Variants in NUDT21 observed in about 807,000 individuals in gnomAD.
NUDT21 encodes nudix hydrolase 21, also known as cleavage and polyadenylation specificity factor subunit 5.
A neutral mutation model predicts 29.8 loss-of-function variants in NUDT21; 5 were observed. That is an observed-to-expected ratio of 0.17 (90% CI 0.09 to 0.35). The LOEUF (loss-of-function observed/expected upper bound fraction) is 0.35, where lower values mean the gene tolerates loss of function less well. NUDT21 is among the 10% of genes least tolerant of loss of function. NUDT21 has a pLI of 1.00. For synonymous variants in NUDT21, 113 were observed against 98.5 expected, an observed-to-expected ratio of 1.15 and a Z score of -0.87; for missense variants, 76 against 276.0, an observed-to-expected ratio of 0.28 and a Z score of 5.13.
At chr16:56,432,841 C>A in intron 6 of NUDT21, 108 bp from the exon 7 acceptor site, 1 of 795,572 alleles carries the variant, frequency 1.3e-6, no homozygotes, top group South Asian at 2.5e-5. Context: ...GCATGTCTGG[C>A]ATTTTCTTTT....
At position 56,429,598 on chromosome 16, in the gene NUDT21, CAA is replaced by C. The variant is rs1276293053; in HGVS notation, c.*3112_*3113del. 14 of 152,132 alleles carry C rather than the reference CAA, an allele frequency of 9.2e-5. No homozygotes were observed. Among genetic ancestry groups the C allele is most frequent in the African/African-American group, 2.9e-4 (12 of 41,428 alleles). The allele number at this position is 152,132 out of a possible 1,614,324, so 9.4% of individuals were successfully genotyped here. On this transcript the variant is annotated 3_prime_UTR_variant, in exon 7 of 7. Transcript: ENST00000300291. The stretch of plus-strand genomic sequence containing the variant: ...ATTAGGTTTCTCATCACGATTTGAA[CAA>C]AAGCAAACTGCTTGAAATGAGTCCA...
intron 1 of NUDT21, among the ~76,000 whole-genome samples, chr16:56,448,244 A>C (rs1172715032): frequency 6.6e-6 from 1 of 152,192 alleles, no homozygotes; most frequent in East Asian, 1.9e-4. Context: ...ACTATCCTTA[A>C]ATGCTTAGAG....
chr16:56,429,988 TC>T lies in NUDT21; in HGVS notation c.*2723del, dbSNP rs1429334185. 1 of 152,196 alleles carries T rather than the reference TC, an allele frequency of 6.6e-6. No individual in the cohort carries two copies. The highest frequency in any genetic ancestry group is 1.9e-4 in the East Asian group (1 of 5,204). 9.4% of individuals were successfully genotyped at this position (152,196 alleles called of 1,614,324 possible). On this transcript the variant is annotated 3_prime_UTR_variant, in exon 7 of 7. Coordinates refer to ENST00000300291, the MANE Select transcript of NUDT21 (RefSeq NM_007006.3). The stretch of plus-strand genomic sequence containing the variant: ...GCTGGCCTGTTGAATTTGAAGTACT[TC>T]TACCTCTCACTTCTAATTAAACATG...
chr16:56,437,179 T>C (rs903422893), intron 4 of NUDT21, among the ~76,000 whole-genome samples: 1 of 152,184 alleles, frequency 6.6e-6, no homozygotes, highest in Non-Finnish European at 1.5e-5. Context: ...CCCTCTGCCA[T>C]ACAAGGGAGT....
chr16:56,435,029 C>G (rs75044771), intron 4 of NUDT21, 200 bp from the exon 5 acceptor site: 2 of 379,880 alleles, frequency 5.3e-6, no homozygotes, highest in African/African-American at 4.2e-5. Context: ...GTCAACCATT[C>G]GAGATAAAAT....
chr16:56,444,276 C>T (rs1285352538), intron 3 of NUDT21, among the ~76,000 whole-genome samples: 1 of 151,688 alleles, frequency 6.6e-6, no homozygotes, highest in East Asian at 1.9e-4. Flanking sequence ...AGAGTGAGAC[C>T]CTGTCTCTAA....
chr16:56,441,362 G>T (rs531535036), intron 3 of NUDT21, among the ~76,000 whole-genome samples: 2 of 151,950 alleles, frequency 1.3e-5, no homozygotes, highest in Non-Finnish European at 2.9e-5. Context: ...TCAGCCTCCC[G>T]AGTAGCTGGG....
chr16:56,442,046 C>T (rs1024395487), intron 3 of NUDT21, among the ~76,000 whole-genome samples: 1 of 152,214 alleles, frequency 6.6e-6, no homozygotes, highest in Admixed American at 6.5e-5. Flanking sequence ...GCTGGGACTA[C>T]AGATGCAAGC....
chr16:56,446,971 T>C (rs1962227027), intron 2 of NUDT21: 1 of 268,532 alleles, frequency 3.7e-6, no homozygotes, highest in Non-Finnish European at 6.9e-6. Flanking sequence ...ATAGGTATAT[T>C]GTGTAATGCT....
chr16:56,442,701 T>G (rs1345736968), intron 3 of NUDT21, among the ~76,000 whole-genome samples: 4 of 152,218 alleles, frequency 2.6e-5, no homozygotes, highest in Non-Finnish European at 4.4e-5. Flanking sequence ...TTTGAGAAAT[T>G]TTCTCTAATT....
chr16:56,441,890 C>T (rs1962163512), intron 3 of NUDT21, among the ~76,000 whole-genome samples: 2 of 152,146 alleles, frequency 1.3e-5, no homozygotes, highest in Admixed American at 1.3e-4. Context: ...TTCATCTTTT[C>T]TAAGACATGT....
chr16:56,435,643 G>A (rs1486890010), intron 4 of NUDT21, among the ~76,000 whole-genome samples: 22 of 143,678 alleles, frequency 1.5e-4, no homozygotes, highest in Middle Eastern at 3.6e-3. Flanking sequence ...GGAGAATGGC[G>A]TGAACCTGGG....
At chr16:56,436,719 T>C (rs1487496734) in intron 4 of NUDT21, among the ~76,000 whole-genome samples, 1 of 152,242 alleles carries the variant, frequency 6.6e-6, no homozygotes, top group Non-Finnish European at 1.5e-5. Context: ...TAAGCCTTTC[T>C]TCTCTGGTCT....
chr16:56,433,373 A>G (rs1411198452), intron 6 of NUDT21, among the ~76,000 whole-genome samples: 2 of 152,218 alleles, frequency 1.3e-5, no homozygotes, highest in Non-Finnish European at 2.9e-5. Context: ...TCAAATAGGT[A>G]TAATAGTTTG....
At chr16:56,434,900 G>T in intron 4 of NUDT21, 71 bp from the exon 5 acceptor site, 1 of 927,012 alleles carries the variant, frequency 1.1e-6, no homozygotes. Context: ...TTACTCCCCA[G>T]TATAGTATAA....
chr16:56,446,832 G>A, intron 2 of NUDT21, 143 bp from the exon 3 acceptor site: 1 of 532,058 alleles, frequency 1.9e-6, no homozygotes, highest in South Asian at 2.8e-5. Context: ...AAGTGAAGGG[G>A]GAGAATATGC....
intron 4 of NUDT21, among the ~76,000 whole-genome samples, chr16:56,436,251 G>C (rs1307695216): frequency 5.3e-5 from 8 of 152,098 alleles, no homozygotes; most frequent in Non-Finnish European, 7.3e-5. Flanking sequence ...GGGAAAGTGA[G>C]ATAAAAGCAG....
At chr16:56,444,487 G>A (rs769287917) in intron 3 of NUDT21, among the ~76,000 whole-genome samples, 42 of 152,038 alleles carry the variant, frequency 2.8e-4, no homozygotes, top group South Asian at 8.3e-4. Context: ...TGGAGGCTGA[G>A]GCAGGAGAAT....
intron 1 of NUDT21, among the ~76,000 whole-genome samples, chr16:56,450,692 A>G (rs1022259697): frequency 1.3e-5 from 2 of 152,370 alleles, no homozygotes; most frequent in Middle Eastern, 3.4e-3. Context: ...ACTAGGTTAT[A>G]CCATTCGTAT....
Sources: gnomAD v4.1 joint callset for allele counts (sites outside exome capture counted in the v4.1 genomes callset) on GRCh38, gnomAD v4.1.1 for gene constraint, MANE v1.5 for transcripts, NCBI Gene and HGNC (gene_info 2026-07-23, HGNC 2026-07-21) for gene names.